RREB1: variants seen among roughly 807,000 people sequenced by gnomAD.
The protein encoded by RREB1 is ras responsive element binding protein 1.
Under a neutral mutation model 117.8 loss-of-function variants are expected in RREB1, and 27 were observed. The ratio of observed to expected loss-of-function variants is 0.23; its 90% CI spans 0.17 to 0.32. RREB1 has a LOEUF of 0.32. Ranked by LOEUF, RREB1 falls within the 10% of genes least tolerant of loss-of-function variation. The pLI is 1.00. For missense variants in RREB1, 2,577 were observed against 2,378.2 expected (o/e 1.08, Z -1.74); for synonymous variants, 1,298 against 1,026.7 (o/e 1.26, Z -5.05).
In RREB1 at chr6:7,153,411, T is replaced by TAC. The variant is rs745553076; in HGVS notation, c.-284-23243_-284-23242insCA. The stretch of plus-strand genomic sequence containing the variant: ...TAAAGTCAAGGGATTCCAGTAGTGG[T>TAC]ATACACACACACACACACACACACA... On this transcript the variant is annotated intron_variant, in intron 1 of 12. Coordinates refer to ENST00000379938, the MANE Select transcript of RREB1 (RefSeq NM_001003699.4). Among the ~76,000 whole-genome samples, 495 of 86,508 alleles carry TAC rather than the reference T, an allele frequency of 5.7e-3. 1 individual carries two copies. Among genetic ancestry groups the TAC allele is most frequent in the Non-Finnish European group, 8.7e-3 (360 of 41,588 alleles). 56.8% of individuals were successfully genotyped at this position (86,508 alleles called of 152,430 possible). A position where few individuals can be genotyped will look rare whatever the true frequency, so the allele number is the denominator to read the frequency against.
At chr6:7,189,770 G>A (rs1214061530) in intron 6 of RREB1, among the ~76,000 whole-genome samples, 1 of 152,166 alleles carries the variant, frequency 6.6e-6, no homozygotes, top group Non-Finnish European at 1.5e-5. Flanking sequence ...GACTGGTCCT[G>A]GAGCTTCAGG....
At chr6:7,137,086 A>C (rs1268871600) in intron 1 of RREB1, among the ~76,000 whole-genome samples, 1 of 152,206 alleles carries the variant, frequency 6.6e-6, no homozygotes, top group Non-Finnish European at 1.5e-5. Flanking sequence ...TGGCGACGGG[A>C]GTGCCTCAAC....
chr6:7,112,561 G>A (rs984446688), intron 1 of RREB1, among the ~76,000 whole-genome samples: 9 of 152,198 alleles, frequency 5.9e-5, no homozygotes, highest in African/African-American at 2.4e-5. Context: ...TTCCACAGGG[G>A]GGTGAGGGTT....
intron 6 of RREB1, among the ~76,000 whole-genome samples, chr6:7,200,221 T>G (rs1765879702): frequency 6.7e-6 from 1 of 149,410 alleles, no homozygotes; most frequent in South Asian, 2.1e-4. Flanking sequence ...TGTGTGTGTA[T>G]ATATATATAT....
intron 1 of RREB1, among the ~76,000 whole-genome samples, chr6:7,126,416 A>G (rs992626346): frequency 1.3e-5 from 2 of 151,760 alleles, no homozygotes; most frequent in Non-Finnish European, 2.9e-5. Flanking sequence ...TTACAGGCAC[A>G]CGCCACCACA....
At chr6:7,132,288 C>G (rs1474936784) in intron 1 of RREB1, among the ~76,000 whole-genome samples, 1 of 152,128 alleles carries the variant, frequency 6.6e-6, no homozygotes, top group Non-Finnish European at 1.5e-5. Context: ...CTCCTGACCT[C>G]AGGTGATCTA....
At chr6:7,214,572 A>G (rs1434438234) in intron 8 of RREB1, 2 of 152,286 alleles carry the variant, frequency 1.3e-5, no homozygotes, top group Non-Finnish European at 2.9e-5. Context: ...GATCCCCATA[A>G]TAGGCTGCTA....
chr6:7,204,921 G>A (rs1766185378), intron 6 of RREB1, among the ~76,000 whole-genome samples: 1 of 152,292 alleles, frequency 6.6e-6, no homozygotes, highest in East Asian at 1.9e-4. Context: ...CTTGTTGAGA[G>A]TTTCCCAAAG....
At chr6:7,167,626 C>T (rs1764012944) in intron 1 of RREB1, among the ~76,000 whole-genome samples, 1 of 152,142 alleles carries the variant, frequency 6.6e-6, no homozygotes, top group African/African-American at 2.4e-5. Context: ...CCACCGCTCC[C>T]GGCCGGGGAC....
intron 4 of RREB1, among the ~76,000 whole-genome samples, chr6:7,186,388 C>T (rs543694374): frequency 6.6e-6 from 1 of 152,292 alleles, no homozygotes; most frequent in Non-Finnish European, 1.5e-5. Flanking sequence ...TCTACTCCCC[C>T]AACCCCAGTC....
intron 1 of RREB1, among the ~76,000 whole-genome samples, chr6:7,171,796 G>A (rs1764223360): frequency 6.6e-6 from 1 of 152,308 alleles, no homozygotes; most frequent in African/African-American, 2.4e-5. Context: ...TGAGGGATGA[G>A]GTCAGGAGAG....
chr6:7,185,568 T>TA lies in RREB1; in HGVS notation c.172-1855dup, dbSNP rs879728450. Among the ~76,000 whole-genome samples the TA allele has an allele frequency of 6.5e-3, 952 of 146,384 alleles. 3 individuals are homozygous for TA. The highest frequency in any genetic ancestry group is 0.015 in the African/African-American group (584 of 40,086). On this transcript the variant is annotated intron_variant, in intron 4 of 12. Coordinates refer to ENST00000379938, the MANE Select transcript of RREB1 (RefSeq NM_001003699.4). ...CTGGGCAACAGAGTGAGACTCCATTTAAAAAAAAAAAGAAAAAGTTCCTAT... is the reference window on the plus strand; with the variant it reads ...CTGGGCAACAGAGTGAGACTCCATTTAAAAAAAAAAAAGAAAAAGTTCCTAT...
intron 1 of RREB1, among the ~76,000 whole-genome samples, chr6:7,158,851 A>AT: frequency 6.6e-6 from 1 of 151,642 alleles, no homozygotes; most frequent in African/African-American, 2.4e-5. Context: ...CCATTTGTTT[A>AT]TTTTTTTCAG....
intron 1 of RREB1, among the ~76,000 whole-genome samples, chr6:7,142,223 A>T (rs1762633035): frequency 6.6e-6 from 1 of 150,854 alleles, no homozygotes. Flanking sequence ...CTTAATTTAA[A>T]AAAAAAAAAA....
intron 1 of RREB1, among the ~76,000 whole-genome samples, chr6:7,144,019 T>C (rs923642949): frequency 6.6e-6 from 1 of 152,048 alleles, no homozygotes; most frequent in Admixed American, 6.5e-5. Flanking sequence ...TAAGTGCAAG[T>C]ATTTTACTTT....
Position 7,231,470 on chromosome 6 carries a change from A to G in RREB1, c.3371A>G (p.Lys1124Arg). 3 of 1,612,856 alleles carry G rather than the reference A, an allele frequency of 1.9e-6. No individual in the cohort carries two copies. The highest frequency in any genetic ancestry group is 2.5e-6 in the Non-Finnish European group (3 of 1,179,662). Residue 1124 changes from lysine to arginine, a missense_variant, in exon 10 of 13, where the codon AAA becomes AGA. Transcript: ENST00000379938. Reference protein sequence around the residue: ...TATPAATTSPKESSEPPAPAS... With the variant: ...TATPAATTSPRESSEPPAPAS... ...ACCCCCGCTGCCACCACCAGCCCAA[A>G]AGAGTCTAGTGAGCCTCCCGCTCCA...
intron 1 of RREB1, among the ~76,000 whole-genome samples, chr6:7,157,474 C>A (rs1277233836): frequency 1.3e-5 from 2 of 151,618 alleles, no homozygotes; most frequent in Non-Finnish European, 2.9e-5. Context: ...TGCACATGTA[C>A]CCTGTGTGAC....
At chr6:7,170,186 A>C (rs1764144382) in intron 1 of RREB1, among the ~76,000 whole-genome samples, 1 of 152,226 alleles carries the variant, frequency 6.6e-6, no homozygotes. Context: ...TTTGAAACCT[A>C]GTCAGAGTAA....
chr6:7,243,774 G>A (rs1185464913), intron 11 of RREB1, among the ~76,000 whole-genome samples: 2 of 152,108 alleles, frequency 1.3e-5, no homozygotes, highest in Non-Finnish European at 2.9e-5. Context: ...GGGCCCGAGA[G>A]CAGGAACAAT....
Sources: gnomAD v4.1 joint callset for allele counts (sites outside exome capture counted in the v4.1 genomes callset) on GRCh38, gnomAD v4.1.1 for gene constraint, MANE v1.5 for transcripts, NCBI Gene and HGNC (gene_info 2026-07-23, HGNC 2026-07-21) for gene names.